Variants in RNF180 observed in about 807,000 individuals in gnomAD.
The protein encoded by RNF180 is ring finger protein 180, also known as E3 ubiquitin-protein ligase RNF180.
Under a neutral mutation model 59.2 loss-of-function variants are expected in RNF180, and 38 were observed. That is an observed-to-expected ratio of 0.64 (90% CI 0.50 to 0.84). RNF180 has a LOEUF of 0.84. Among genes scored for constraint, RNF180 ranks in the 40% least tolerant of loss-of-function variants. The probability of loss-of-function intolerance (pLI) is 0.00; values close to 1 mark genes in which losing one functional copy is unlikely to be tolerated. For synonymous variants in RNF180, 262 were observed against 240.3 expected (o/e 1.09, Z -0.84); for missense variants, 705 against 700.9 (o/e 1.01, Z -0.07).
intron 1 of RNF180, among the ~76,000 whole-genome samples, chr5:64,188,331 T>C (rs1750970376): frequency 6.6e-6 from 1 of 152,118 alleles, no homozygotes; most frequent in African/African-American, 2.4e-5. Flanking sequence ...TCCTGAGCAC[T>C]TACAGTATAC....
intron 5 of RNF180, among the ~76,000 whole-genome samples, chr5:64,243,620 C>T (rs1018396759): frequency 6.6e-6 from 1 of 152,188 alleles, no homozygotes; most frequent in Non-Finnish European, 1.5e-5. Flanking sequence ...CTCCCATCAC[C>T]CTAGGACAGA....
At chr5:64,198,413 G>A (rs1053115632) in intron 1 of RNF180, among the ~76,000 whole-genome samples, 2 of 152,192 alleles carry the variant, frequency 1.3e-5, no homozygotes, top group African/African-American at 4.8e-5. Context: ...TTTGGAACAA[G>A]ACCAAAACTA....
chr5:64,222,743 A>G (rs779891647), intron 5 of RNF180, among the ~76,000 whole-genome samples: 7 of 152,218 alleles, frequency 4.6e-5, no homozygotes, highest in South Asian at 2.1e-4. Context: ...GGATGATGGG[A>G]GCTCTCCCAA....
chr5:64,268,892 C>G (rs1168122229), intron 5 of RNF180, among the ~76,000 whole-genome samples: 4 of 152,136 alleles, frequency 2.6e-5, no homozygotes, highest in Admixed American at 2.6e-4. Flanking sequence ...GAGCCCTTCT[C>G]TGAAACCTAT....
chr5:64,352,686 G>T, intron 7 of RNF180, among the ~76,000 whole-genome samples: 1 of 151,920 alleles, frequency 6.6e-6, no homozygotes, highest in East Asian at 1.9e-4. Flanking sequence ...TGTGTATTTA[G>T]AAAGAATAGA....
chr5:64,369,554 G>A (rs898427750), intron 7 of RNF180, 61 bp from the exon 8 acceptor site: 10 of 1,054,960 alleles, frequency 9.5e-6, no homozygotes, highest in Non-Finnish European at 1.0e-5. Flanking sequence ...CTTGTGTACA[G>A]CTTCTTTTCT....
At chr5:64,255,105 T>A (rs1419438492) in intron 5 of RNF180, among the ~76,000 whole-genome samples, 3 of 152,180 alleles carry the variant, frequency 2.0e-5, no homozygotes, top group East Asian at 3.8e-4. Flanking sequence ...CTTAATTTTT[T>A]AAAAAAATTA....
chr5:64,292,806 T>C (rs1399166196), intron 5 of RNF180, among the ~76,000 whole-genome samples: 2 of 152,036 alleles, frequency 1.3e-5, no homozygotes, highest in Non-Finnish European at 2.9e-5. Context: ...CAGAGTTCTG[T>C]CCATATAATC....
At chr5:64,192,936 T>TATATATATATATAC (rs1751255298) in intron 1 of RNF180, among the ~76,000 whole-genome samples, 1 of 126,788 alleles carries the variant, frequency 7.9e-6, no homozygotes, top group African/African-American at 3.1e-5. Context: ...TATATATATA[T>TATATATATATATAC]ATAAAATGAA....
intron 5 of RNF180, among the ~76,000 whole-genome samples, chr5:64,241,828 A>C (rs1742827908): frequency 6.6e-6 from 1 of 152,112 alleles, no homozygotes; most frequent in Non-Finnish European, 1.5e-5. Flanking sequence ...ACACAGAGAG[A>C]GATACTGTTT....
chr5:64,224,095 G>T (rs879624170), intron 5 of RNF180, among the ~76,000 whole-genome samples: 35 of 151,480 alleles, frequency 2.3e-4, no homozygotes, highest in Non-Finnish European at 4.4e-4. Flanking sequence ...GTGTGTGTGT[G>T]TGTGTGTGTA....
chr5:64,234,575 G>GTTTTTTTTTTTTTTT (rs1561207558), intron 5 of RNF180, among the ~76,000 whole-genome samples: 1 of 77,692 alleles, frequency 1.3e-5, no homozygotes, highest in Non-Finnish European at 3.0e-5. Context: ...GCAGTTACCC[G>GTTTTTTTTTTTTTTT]TTCTTTTTTT....
intron 1 of RNF180, among the ~76,000 whole-genome samples, chr5:64,171,227 G>A (rs1305278710): frequency 6.6e-6 from 1 of 152,150 alleles, no homozygotes; most frequent in African/African-American, 2.4e-5. Flanking sequence ...CTTACCAGAG[G>A]ACTGAGGGGG....
chr5:64,238,448 A>G (rs1742585244), intron 5 of RNF180, among the ~76,000 whole-genome samples: 1 of 152,162 alleles, frequency 6.6e-6, no homozygotes, highest in South Asian at 2.1e-4. Flanking sequence ...ATTTTTCATT[A>G]TCATCAACAG....
At chr5:64,316,733 A>G (rs183103000) in intron 5 of RNF180, among the ~76,000 whole-genome samples, 10 of 152,350 alleles carry the variant, frequency 6.6e-5, no homozygotes, top group Non-Finnish European at 1.2e-4. Context: ...AGTCTTGAAT[A>G]TATGAAATAT....
chr5:64,358,787 C>T (rs1414830025), intron 7 of RNF180, among the ~76,000 whole-genome samples: 1 of 111,708 alleles, frequency 9.0e-6, no homozygotes, highest in East Asian at 3.1e-4. Flanking sequence ...GCTATCCCTC[C>T]CCCCACCCCA....
At chr5:64,221,933 A>G (rs1412771155) in intron 5 of RNF180, among the ~76,000 whole-genome samples, 2 of 152,212 alleles carry the variant, frequency 1.3e-5, no homozygotes, top group Non-Finnish European at 2.9e-5. Flanking sequence ...ATATCAATAC[A>G]TTATTAATAG....
At chr5:64,230,747 G>A (rs1742051426) in intron 5 of RNF180, among the ~76,000 whole-genome samples, 1 of 152,200 alleles carries the variant, frequency 6.6e-6, no homozygotes, top group Non-Finnish European at 1.5e-5. Context: ...GAATTCTTGA[G>A]TCAGGCCAAC....
chr5:64,167,751 T>G (rs987390286), intron 1 of RNF180, among the ~76,000 whole-genome samples: 1 of 152,164 alleles, frequency 6.6e-6, no homozygotes, highest in African/African-American at 2.4e-5. Flanking sequence ...TTTTGCTAAC[T>G]ACATAGTACA....
Sources: gnomAD v4.1 joint callset for allele counts (sites outside exome capture counted in the v4.1 genomes callset) on GRCh38, gnomAD v4.1.1 for gene constraint, MANE v1.5 for transcripts, NCBI Gene and HGNC (gene_info 2026-07-23, HGNC 2026-07-21) for gene names.